Variants in LYST observed in about 807,000 individuals in gnomAD.
LYST encodes lysosomal-trafficking regulator.
In LYST, 192 loss-of-function variants were observed where a neutral mutation model predicts 413.6. That is an observed-to-expected ratio of 0.46 (90% CI 0.41 to 0.52). The LOEUF (loss-of-function observed/expected upper bound fraction) is 0.52. Among genes scored for constraint, LYST ranks in the 20% least tolerant of loss-of-function variants. LYST has a pLI of 0.00. For synonymous variants in LYST, 1,525 were observed against 1,567.3 expected (o/e 0.97, Z 0.64); for missense variants, 3,815 against 4,499.9 (o/e 0.85, Z 4.35).
In LYST at chr1:235,809,482, C is replaced by A. The variant is rs1397453222; in HGVS notation, c.1336G>T (p.Glu446Ter). Residue 446 changes from glutamate (E) to a stop codon, truncating the protein, a stop_gained, in exon 5 of 53, where the codon GAA (glutamate) becomes TAA (stop). Coordinates refer to ENST00000389793, the MANE Select transcript of LYST (RefSeq NM_000081.4). LOFTEE classifies it high-confidence loss of function. The surrounding 1 kb of genome is among the most constrained non-coding windows in gnomAD (Gnocchi z 4.0). The part of the protein sequence containing the change: ...FIQHHGFNLF[E>*]TAVLQMEWLV... ...CATTCCATTTGAAGAACTGCTGTTT[C>A]AAATAAATTAAATCCATGATGCTGA... is the stretch of plus-strand genomic sequence containing the variant. 6.2e-7 allele frequency: 1 copy of A among 1,613,992 alleles called. No individual in the cohort carries two copies. Among genetic ancestry groups the A allele is most frequent in the Non-Finnish European group, 8.5e-7 (1 of 1,179,976 alleles).
chr1:235,697,221 G>A lies in LYST; in HGVS notation c.10426C>T (p.Pro3476Ser). The A allele has an allele frequency of 1.2e-6, 2 of 1,614,034 alleles. No individual in the cohort carries two copies. Among genetic ancestry groups the A allele is most frequent in the Non-Finnish European group, 1.7e-6 (2 of 1,179,976 alleles). Residue 3476 changes from proline (P) to serine (S), a missense_variant, in exon 46 of 53, where the codon CCC (proline) becomes TCC (serine). By Grantham distance (74) the Pro-to-Ser change is moderately conservative (BLOSUM62 -1). Around this residue, in one of 4 missense-constraint regions of LYST, gnomAD observed 866 missense variants for 1,156.0 expected, o/e 0.75. Coordinates refer to ENST00000389793, the MANE Select transcript of LYST (RefSeq NM_000081.4). ...GLKWGEYVGS[P>S]SAPVPVVCFS... Reference sequence around the variant, plus strand: ...CAGACCACAGGTACTGGAGCACTGGGGGAACCCACGTATTCCCCCCATTTC... The same window carrying A: ...CAGACCACAGGTACTGGAGCACTGGAGGAACCCACGTATTCCCCCCATTTC...
rs776396485 is a variant in LYST at position 235,806,093 on chromosome 1, C to T, written c.3043G>A (p.Asp1015Asn). 6.2e-7 allele frequency: 1 copy of T among 1,613,642 alleles called. No individual in the cohort carries two copies. Among genetic ancestry groups the T allele is most frequent in the Non-Finnish European group, 8.5e-7 (1 of 1,179,740 alleles). ...TCCTGGTTTTCATTTACACTTGTATCTCCCTCCTTTTTTCCTTGCTCCTCT... is the reference window on the plus strand; with the variant it reads ...TCCTGGTTTTCATTTACACTTGTATTTCCCTCCTTTTTTCCTTGCTCCTCT... ...HKEEQGKKEG[D>N]TSVNENQDLN... The change falls in exon 6 of 53, where the codon GAT (aspartate) becomes AAT (asparagine). Residue 1015 changes from aspartate to asparagine, a missense_variant. Asp to Asn is a conservative substitution (Grantham distance 23, BLOSUM62 1). This residue lies in a region of LYST where 1,648 missense variants were observed against 1,810.3 expected (regional missense o/e 0.91). Transcript: ENST00000389793.
intron 2 of LYST, among the ~76,000 whole-genome samples, chr1:235,831,064 A>G (rs1420217464): frequency 6.6e-6 from 1 of 152,256 alleles, no homozygotes; most frequent in East Asian, 1.9e-4. Context: ...AATTTCCAGA[A>G]GGGAAAAACC....
Position 235,808,535 on chromosome 1 carries a change from T to C in LYST, c.2283A>G (p.Val761=), listed in dbSNP as rs1454862202. The change falls in exon 5 of 53, where the codon GTA becomes GTG. Residue 761 remains valine, a synonymous_variant. Transcript: ENST00000389793. ...HLSVTSAQSH[V]CSHHNQCLPQ... ...GCAAGCACTGGTTATGATGGCTACA[T>C]ACATGACTTTGAGCTGAAGTAACGC... 1.9e-6 allele frequency: 3 copies of C among 1,613,684 alleles called. No individual in the cohort carries two copies. Among genetic ancestry groups the C allele is most frequent in the Non-Finnish European group, 2.5e-6 (3 of 1,179,900 alleles).
chr1:235,877,167 T>TAGC (rs1215234214), intron 1 of LYST, among the ~76,000 whole-genome samples: 1 of 152,234 alleles, frequency 6.6e-6, no homozygotes, highest in Non-Finnish European at 1.5e-5. Context: ...GCTATCCATA[T>TAGC]AACCGAGTGG....
At position 235,693,131 on chromosome 1, in the gene LYST, C is replaced by T. The variant is rs976228216; in HGVS notation, c.10701+219G>A. Among the ~76,000 whole-genome samples the T allele has an allele frequency of 1.9e-4, 29 of 151,892 alleles. 1 individual carries two copies. The highest frequency in any genetic ancestry group is 1.2e-3 in the Admixed American group (19 of 15,244). On this transcript the variant is annotated intron_variant, in intron 47 of 52. Coordinates refer to ENST00000389793, the MANE Select transcript of LYST (RefSeq NM_000081.4). ...GAGATCGAGACCATCCTTGCTAACA[C>T]GATGAAATCCCGTCTCTACTAAAAG...
At chr1:235,720,173 CAAAAAAAAA>C (rs71576484) in intron 40 of LYST, among the ~76,000 whole-genome samples, 6 of 9,474 alleles carry the variant, frequency 6.3e-4, no homozygotes, top group African/African-American at 9.4e-4. Context: ...GACTCTGTCT[CAAAAAAAAA>C]AAAAAAAAAA....
At chr1:235,742,420 A>C (rs949574316) in intron 30 of LYST, among the ~76,000 whole-genome samples, 1 of 151,296 alleles carries the variant, frequency 6.6e-6, no homozygotes, top group Non-Finnish European at 1.5e-5. Flanking sequence ...GGGCCACTGC[A>C]CTCCAGCTGG....
intron 31 of LYST, chr1:235,736,384 T>A (rs1398721937): frequency 6.6e-6 from 1 of 152,156 alleles, no homozygotes; most frequent in East Asian, 1.9e-4. Flanking sequence ...TAGAGTGATC[T>A]GGGTCATGGC....
intron 3 of LYST, among the ~76,000 whole-genome samples, chr1:235,817,099 G>A (rs751325983): frequency 1.2e-4 from 18 of 151,814 alleles, no homozygotes; most frequent in Non-Finnish European, 1.9e-4. Flanking sequence ...ACATACATGC[G>A]CCAACAAGCA....
chr1:235,820,009 T>C (rs1390290587), intron 3 of LYST, among the ~76,000 whole-genome samples: 2 of 152,242 alleles, frequency 1.3e-5, no homozygotes, highest in Non-Finnish European at 2.9e-5. Flanking sequence ...CTTTATAAAA[T>C]TCCCCATAGA....
chr1:235,738,996 C>G, intron 31 of LYST: 1 of 709,760 alleles, frequency 1.4e-6, no homozygotes, highest in Non-Finnish European at 2.7e-6. Flanking sequence ...TTAAAGTCTT[C>G]TGATGTCATA....
intron 44 of LYST, among the ~76,000 whole-genome samples, chr1:235,707,099 C>T (rs959296643): frequency 4.6e-5 from 7 of 152,110 alleles, no homozygotes; most frequent in African/African-American, 1.7e-4. Flanking sequence ...TCTGCTTTTT[C>T]ACCTCCCACT....
chr1:235,754,229 C>CTTTTTTTTTTTTTTTTTTTTTTTTTTTTT (rs71576486), intron 25 of LYST, among the ~76,000 whole-genome samples: 1 of 86,552 alleles, frequency 1.2e-5, no homozygotes, highest in Non-Finnish European at 2.6e-5. Flanking sequence ...CTTTTCTTTT[C>CTTTTTTTTTTTTTTTTTTTTTTTTTTTTT]TTTTTTTTTT....
intron 29 of LYST, among the ~76,000 whole-genome samples, chr1:235,744,461 G>T (rs1665713897): frequency 6.6e-6 from 1 of 152,064 alleles, no homozygotes; most frequent in African/African-American, 2.4e-5. Flanking sequence ...CAAACATAAA[G>T]ATCATGTCAT....
chr1:235,689,442 A>C (rs1660479737), intron 47 of LYST, among the ~76,000 whole-genome samples: 1 of 152,216 alleles, frequency 6.6e-6, no homozygotes, highest in Admixed American at 6.5e-5. Flanking sequence ...GAATCTAAAA[A>C]AAGCTGAACT....
At chr1:235,678,739 G>A (rs746758379) in intron 48 of LYST, among the ~76,000 whole-genome samples, 13 of 151,884 alleles carry the variant, frequency 8.6e-5, no homozygotes, top group Admixed American at 8.5e-4. Flanking sequence ...CTTCTGTCTT[G>A]TCAGAAGTTA....
In LYST at chr1:235,799,705, A is replaced by G. The variant is rs565097114; in HGVS notation, c.4006+615T>C. Among the ~76,000 whole-genome samples the G allele has an allele frequency of 2.0e-3, 303 of 152,210 alleles. 1 individual carries two copies. Among genetic ancestry groups the G allele is most frequent in the Non-Finnish European group, 3.7e-3 (252 of 67,988 alleles). On this transcript the variant is annotated intron_variant, in intron 10 of 52. Coordinates refer to ENST00000389793, the MANE Select transcript of LYST (RefSeq NM_000081.4). ...AGAAGTACCAAGTACAGATTAATCA[A>G]TACCAGATATGGCAACAACATGGCA...
At chr1:235,729,144 T>C (rs1664148224) in intron 37 of LYST, among the ~76,000 whole-genome samples, 1 of 152,308 alleles carries the variant, frequency 6.6e-6, no homozygotes, top group South Asian at 2.1e-4. Flanking sequence ...CAAACAAATA[T>C]AACTATATAG....
Sources: allele counts gnomAD v4.1 joint callset (sites outside exome capture counted in the v4.1 genomes callset), GRCh38; gene constraint gnomAD v4.1.1; regional missense constraint gnomAD v4.1.1; non-coding constraint Gnocchi (gnomAD v3.1); transcripts MANE v1.5; gene names NCBI Gene and HGNC (gene_info 2026-07-23, HGNC 2026-07-21).